Variants in SYN3 observed in about 807,000 individuals in gnomAD.
SYN3 encodes the protein synapsin-3.
Under a neutral mutation model 65.8 loss-of-function variants are expected in SYN3, and 35 were observed. The observed-to-expected ratio is 0.53, with a 90% CI of 0.41 to 0.70. The LOEUF (loss-of-function observed/expected upper bound fraction) is 0.70, where lower values mean the gene tolerates loss of function less well. Among genes scored for constraint, SYN3 ranks in the 30% least tolerant of loss-of-function variants. SYN3 has a pLI of 0.00. For missense variants in SYN3, 680 were observed against 749.0 expected (o/e 0.91, Z 1.08); for synonymous variants, 270 against 292.9 (o/e 0.92, Z 0.80).
intron 7 of SYN3, among the ~76,000 whole-genome samples, chr22:32,585,994 ATATATGTATGTATGTATACG>A (rs2059025743): frequency 2.4e-5 from 2 of 82,760 alleles, no homozygotes; most frequent in African/African-American, 7.4e-5. Flanking sequence ...ATGTATACGT[ATATATGTATGTATGTATACG>A]TATATATGTA....
intron 6 of SYN3, among the ~76,000 whole-genome samples, chr22:32,838,596 T>G (rs2047803276): frequency 6.6e-6 from 1 of 152,194 alleles, no homozygotes; most frequent in African/African-American, 2.4e-5. Flanking sequence ...TAGGGTCCTG[T>G]GACTTGCCTC....
chr22:33,028,670 G>GTGGTGGTGGTGA (rs2053685602), intron 1 of SYN3, among the ~76,000 whole-genome samples: 7 of 118,028 alleles, frequency 5.9e-5, no homozygotes, highest in Admixed American at 3.7e-4. Flanking sequence ...GGTGGTGGTG[G>GTGGTGGTGGTGA]TGGTGGTGGT....
In SYN3 at chr22:32,536,922, T is replaced by C. The variant is rs368696798; in HGVS notation, c.992+1114A>G. Among the ~76,000 whole-genome samples the C allele has an allele frequency of 8.0e-4, 122 of 152,336 alleles. 1 individual carries two copies. The highest frequency in any genetic ancestry group is 2.9e-3 in the African/African-American group (122 of 41,590). ...CCAATTTGGTTTGTGTGGTAGCCCT[T>C]GCAACCGATACAGAGTTCTTAGAGG... On this transcript the variant is annotated intron_variant, in intron 9 of 13. Transcript: ENST00000358763.
intron 3 of SYN3, 138 bp downstream of exon 3, chr22:32,980,507 C>T: frequency 1.3e-6 from 1 of 764,888 alleles, no homozygotes; most frequent in South Asian, 1.6e-5. Flanking sequence ...TAATGAGACT[C>T]CCAAGTATAA....
At chr22:32,964,066 T>C (rs987759513) in intron 3 of SYN3, among the ~76,000 whole-genome samples, 1 of 151,410 alleles carries the variant, frequency 6.6e-6, no homozygotes, top group Non-Finnish European at 1.5e-5. Flanking sequence ...ACCAGTTCAG[T>C]TCCATTTTAA....
At chr22:33,027,160 G>C (rs887850274) in intron 1 of SYN3, among the ~76,000 whole-genome samples, 2 of 151,938 alleles carry the variant, frequency 1.3e-5, no homozygotes, top group African/African-American at 4.8e-5. Context: ...CAAATTCATT[G>C]CTGTCATTTA....
intron 6 of SYN3, among the ~76,000 whole-genome samples, chr22:32,752,936 G>A (rs1489155039): frequency 6.6e-6 from 1 of 152,084 alleles, no homozygotes; most frequent in East Asian, 1.9e-4. Flanking sequence ...GCAGCAAAGG[G>A]AAAACCGAGC....
At chr22:32,781,059 CCCTTCCTCCCTCCCT>C in intron 6 of SYN3, among the ~76,000 whole-genome samples, 1 of 26,766 alleles carries the variant, frequency 3.7e-5, no homozygotes, top group African/African-American at 8.9e-5. Flanking sequence ...CTCCCTCCCT[CCCTTCCTCCCTCCCT>C]CCCTTCCATC....
chr22:32,615,103 A>T (rs1294253500), intron 6 of SYN3, among the ~76,000 whole-genome samples: 1 of 152,158 alleles, frequency 6.6e-6, no homozygotes, highest in Non-Finnish European at 1.5e-5. Context: ...GATCCTCGCA[A>T]TGACTCTTTG....
chr22:32,616,381 T>G (rs2059520327), intron 6 of SYN3, among the ~76,000 whole-genome samples: 1 of 152,268 alleles, frequency 6.6e-6, no homozygotes, highest in South Asian at 2.1e-4. Context: ...GACATGTCTC[T>G]GGCTGAGGGG....
chr22:32,697,640 AT>A (rs796574075), intron 6 of SYN3, among the ~76,000 whole-genome samples: 16 of 152,338 alleles, frequency 1.1e-4, no homozygotes, highest in African/African-American at 3.6e-4. Flanking sequence ...AAGAAAGTCT[AT>A]TCTTGATGAT....
chr22:32,711,413 T>G (rs543694876), intron 6 of SYN3, among the ~76,000 whole-genome samples: 1 of 152,196 alleles, frequency 6.6e-6, no homozygotes, highest in South Asian at 2.1e-4. Flanking sequence ...AACTAAAGGG[T>G]GACCAATAAA....
chr22:32,676,883 T>G (rs1243082246), intron 6 of SYN3, among the ~76,000 whole-genome samples: 3 of 152,112 alleles, frequency 2.0e-5, no homozygotes, highest in African/African-American at 7.2e-5. Context: ...TGACAGGCCT[T>G]GTGCGGCCAG....
intron 6 of SYN3, among the ~76,000 whole-genome samples, chr22:32,703,844 T>C (rs1312884965): frequency 6.6e-6 from 1 of 152,158 alleles, no homozygotes; most frequent in African/African-American, 2.4e-5. Flanking sequence ...GGAAAACTCA[T>C]AGTCTATTTA....
chr22:33,046,970 T>C (rs1321400307), intron 1 of SYN3, among the ~76,000 whole-genome samples: 1 of 151,896 alleles, frequency 6.6e-6, no homozygotes, highest in African/African-American at 2.4e-5. Flanking sequence ...CTCTTACCTG[T>C]CCTGAGGTCC....
At chr22:32,684,531 G>C (rs952446027) in intron 6 of SYN3, among the ~76,000 whole-genome samples, 1 of 152,268 alleles carries the variant, frequency 6.6e-6, no homozygotes, top group Admixed American at 6.5e-5. Flanking sequence ...TTCTAAAACA[G>C]CAACCACATC....
At chr22:32,954,678 T>C (rs1439712838) in intron 3 of SYN3, among the ~76,000 whole-genome samples, 1 of 152,150 alleles carries the variant, frequency 6.6e-6, no homozygotes, top group Non-Finnish European at 1.5e-5. Context: ...GTACCACAGA[T>C]GAACCAGAAA....
At chr22:32,774,091 G>A (rs2045845362) in intron 6 of SYN3, among the ~76,000 whole-genome samples, 1 of 152,018 alleles carries the variant, frequency 6.6e-6, no homozygotes, top group Non-Finnish European at 1.5e-5. Flanking sequence ...GAGGAAGGGA[G>A]GGTCTTGATG....
At chr22:32,859,389 T>A (rs536706129) in intron 6 of SYN3, 1 of 1,605,196 alleles carries the variant, frequency 6.2e-7, no homozygotes, top group African/African-American at 1.3e-5. Flanking sequence ...CGCCAGACCC[T>A]GCCCCACCTC....
Sources: allele counts gnomAD v4.1 joint callset (sites outside exome capture counted in the v4.1 genomes callset), GRCh38; gene constraint gnomAD v4.1.1; transcripts MANE v1.5; gene names NCBI Gene and HGNC (gene_info 2026-07-23, HGNC 2026-07-21).